The following CCNB2 variants were observed in gnomAD, a reference collection of about 807,000 sequenced individuals.
CCNB2 encodes G2/mitotic-specific cyclin-B2.
A neutral mutation model predicts 51.1 loss-of-function variants in CCNB2; 39 were observed. That is an observed-to-expected ratio of 0.76 (90% CI 0.59 to 1.00). The LOEUF (loss-of-function observed/expected upper bound fraction) is 1.00, where lower values mean the gene tolerates loss of function less well. CCNB2 is among the 50% of genes least tolerant of loss of function. The pLI, the probability that CCNB2 is intolerant of heterozygous loss-of-function variation, is 0.00. For synonymous variants in CCNB2, 174 were observed against 165.5 expected (o/e 1.05, Z -0.40); for missense variants, 472 against 470.3 (o/e 1.00, Z -0.03).
intron 7 of CCNB2, 57 bp downstream of exon 7, chr15:59,117,425 C>T: frequency 6.5e-7 from 1 of 1,540,692 alleles, no homozygotes. Flanking sequence ...CTTCGTAATA[C>T]AAAAGGCCTT....
intron 7 of CCNB2, among the ~76,000 whole-genome samples, chr15:59,122,643 C>T (rs914775685): frequency 7.3e-5 from 11 of 150,594 alleles, no homozygotes; most frequent in Admixed American, 1.3e-4. Context: ...CTCAAGCAAT[C>T]CTTCCTCCTC....
chr15:59,122,651 C>T (rs948896434), intron 7 of CCNB2, among the ~76,000 whole-genome samples: 1 of 151,676 alleles, frequency 6.6e-6, no homozygotes, highest in Non-Finnish European at 1.5e-5. Context: ...ATCCTTCCTC[C>T]TCAGCTCCTC....
chr15:59,118,868 A>T (rs2079290213), intron 7 of CCNB2, among the ~76,000 whole-genome samples: 1 of 152,232 alleles, frequency 6.6e-6, no homozygotes, highest in Non-Finnish European at 1.5e-5. Flanking sequence ...TGTGTGGCCT[A>T]TATGGATATA....
In CCNB2 at chr15:59,117,304, A is replaced by G. The variant is rs1323681249; in HGVS notation, c.911A>G (p.His304Arg). ...TLIDYDMVHY[H>R]PSKVAAAASC... ...ATCGACTATGATATGGTGCATTATC[A>G]TCCTTCTAAGGTAGCAGCAGCTGCT... is the stretch of plus-strand genomic sequence containing the variant. Residue 304 changes from histidine to arginine, a missense_variant, in exon 7 of 9, where the codon CAT becomes CGT. Transcript: ENST00000288207. 1.2e-6 allele frequency: 2 copies of G among 1,613,840 alleles called. No homozygotes were observed. Among genetic ancestry groups the G allele is most frequent in the Non-Finnish European group, 8.5e-7 (1 of 1,180,006 alleles).
At chr15:59,120,526 T>C (rs544454208) in intron 7 of CCNB2, among the ~76,000 whole-genome samples, 70 of 151,938 alleles carry the variant, frequency 4.6e-4, no homozygotes, top group African/African-American at 1.6e-3. Context: ...AATTAGAGCA[T>C]TAAAAAGAAT....
chr15:59,114,624 C>A lies in CCNB2; in HGVS notation c.438+10C>A. 6.3e-7 allele frequency: 1 copy of A among 1,586,660 alleles called. No individual in the cohort carries two copies. Among genetic ancestry groups the A allele is most frequent in the South Asian group, 1.1e-5 (1 of 88,328 alleles). ...TCTCAGGCAGCTGGAGGTAGGTGGG[C>A]CTTTGTGTTTTGGTTGTATAAGCAA... On this transcript the variant is annotated intron_variant, in intron 4 of 8. Coordinates refer to ENST00000288207, the MANE Select transcript of CCNB2 (RefSeq NM_004701.4).
chr15:59,114,446 T>C lies in CCNB2; in HGVS notation c.270T>C (p.Gly90=). The C allele has an allele frequency of 6.3e-7, 1 of 1,595,426 alleles. No homozygotes were observed. The highest frequency in any genetic ancestry group is 1.7e-4 in the Middle Eastern group (1 of 5,960). Residue 90 remains glycine, a splice_region_variant and synonymous_variant, in exon 4 of 9, where the codon GGT becomes GGC. Transcript: ENST00000288207. ...TGTGCCTAAATTTGTTGGTGTAGGG[T>C]CCTTCTCCCACACCTGAGGATGTCT... The part of the protein sequence containing the change: ...PVQMEKLAPK[G]PSPTPEDVSM...
intron 3 of CCNB2, among the ~76,000 whole-genome samples, chr15:59,109,758 G>A (rs1041995075): frequency 6.6e-6 from 1 of 152,086 alleles, no homozygotes; most frequent in African/African-American, 2.4e-5. Context: ...AGGCCGAGGC[G>A]GGCGGATCGC....
intron 7 of CCNB2, 63 bp from the exon 8 acceptor site, chr15:59,123,454 A>G (rs2079311734): frequency 1.1e-6 from 1 of 905,834 alleles, no homozygotes; most frequent in South Asian, 1.4e-5. Context: ...GTGTTCTTCT[A>G]AAGAAGCAGA....
chr15:59,106,600 C>T (rs1310185127), intron 1 of CCNB2, among the ~76,000 whole-genome samples: 1 of 152,146 alleles, frequency 6.6e-6, no homozygotes, highest in Non-Finnish European at 1.5e-5. Flanking sequence ...TTTCCAAGCA[C>T]ATTATGTCTA....
At chr15:59,124,589 T>C in intron 8 of CCNB2, 178 bp from the exon 9 acceptor site, 1 of 599,536 alleles carries the variant, frequency 1.7e-6, no homozygotes, top group South Asian at 1.9e-5. Flanking sequence ...TTAATGGGGA[T>C]GGAAGGAAAT....
rs1331746278 is a variant in CCNB2 at position 59,107,399 on chromosome 15, T to G, written c.102T>G (p.Val34=). ...VKSHVTIRRT[V]LEEIGNRVTT... ...GTCATGTGACTATTAGGCGAACTGT[T>G]TTAGAAGAAATTGGAAATAGAGTTA... Residue 34 remains valine (V), a synonymous_variant, in exon 2 of 9, where the codon GTT becomes GTG. Coordinates refer to ENST00000288207, the MANE Select transcript of CCNB2 (RefSeq NM_004701.4). 1 of 1,614,082 alleles carries G rather than the reference T, an allele frequency of 6.2e-7. No individual in the cohort carries two copies. Among genetic ancestry groups the G allele is most frequent in the African/African-American group, 1.3e-5 (1 of 75,012 alleles).
At chr15:59,118,171 A>G (rs1282568719) in intron 7 of CCNB2, among the ~76,000 whole-genome samples, 1 of 152,258 alleles carries the variant, frequency 6.6e-6, no homozygotes, top group Non-Finnish European at 1.5e-5. Context: ...AGAATGAGCC[A>G]CTTGTAGATT....
intron 7 of CCNB2, chr15:59,121,147 G>A (rs2079300286): frequency 1.3e-5 from 2 of 152,190 alleles, no homozygotes; most frequent in Non-Finnish European, 2.9e-5. Context: ...GCAGGGATGT[G>A]CTGTGATATC....
intron 7 of CCNB2, among the ~76,000 whole-genome samples, chr15:59,118,930 T>C (rs530327571): frequency 6.6e-6 from 1 of 152,208 alleles, no homozygotes. Context: ...ACAATGTATA[T>C]TGTAGTTTAC....
chr15:59,105,284 C>T lies in CCNB2; in HGVS notation c.16C>T (p.Arg6Cys). ...CCCGTCCCTCATGGCGCTGCTCCGA[C>T]GCCCGACGGTGAGTGTGCCCGGGGA... Reference protein sequence around the residue: MALLRRPTVSSDLENI... With the variant: MALLRCPTVSSDLENI... Residue 6 changes from arginine to cysteine, a missense_variant, in exon 1 of 9, where the codon CGC becomes TGC. Arg to Cys is a radical substitution (Grantham distance 180). Coordinates refer to ENST00000288207, the MANE Select transcript of CCNB2 (RefSeq NM_004701.4). 1 of 1,565,502 alleles carries T rather than the reference C, an allele frequency of 6.4e-7. No individual in the cohort carries two copies.
chr15:59,112,120 G>A (rs1181528692), intron 3 of CCNB2, among the ~76,000 whole-genome samples: 1 of 152,004 alleles, frequency 6.6e-6, no homozygotes, highest in African/African-American at 2.4e-5. Context: ...CCAAAATGCT[G>A]GGATTACAGG....
At chr15:59,106,329 T>C (rs1054254334) in intron 1 of CCNB2, among the ~76,000 whole-genome samples, 12 of 152,170 alleles carry the variant, frequency 7.9e-5, no homozygotes, top group African/African-American at 2.9e-4. Context: ...AACTGACAAG[T>C]AATTTTTTAT....
intron 7 of CCNB2, among the ~76,000 whole-genome samples, chr15:59,118,480 T>G (rs1480565628): frequency 6.6e-6 from 1 of 152,134 alleles, no homozygotes; most frequent in African/African-American, 2.4e-5. Flanking sequence ...GTCAGGAGTT[T>G]GAGACCAGCC....
Sources: allele counts gnomAD v4.1 joint callset (sites outside exome capture counted in the v4.1 genomes callset), GRCh38; gene constraint gnomAD v4.1.1; transcripts MANE v1.5; gene names NCBI Gene and HGNC (gene_info 2026-07-23, HGNC 2026-07-21).